Variants in MICAL3 observed in about 807,000 individuals in gnomAD.
The protein encoded by MICAL3 is [F-actin]-monooxygenase MICAL3.
Under a neutral mutation model 207.4 loss-of-function variants are expected in MICAL3, and 62 were observed. The observed-to-expected ratio is 0.30, with a 90% CI of 0.24 to 0.37. MICAL3 has a LOEUF of 0.37. Among genes scored for constraint, MICAL3 ranks in the 10% least tolerant of loss-of-function variants. The pLI is 1.00. For missense variants in MICAL3, 2,368 were observed against 2,635.6 expected (o/e 0.90, Z 2.22); for synonymous variants, 1,077 against 1,069.3 (o/e 1.01, Z -0.14).
At chr22:17,879,384 C>A in intron 16 of MICAL3, 1 of 1,612,570 alleles carries the variant, frequency 6.2e-7, no homozygotes, top group Non-Finnish European at 8.5e-7. Context: ...CGGTTGTCAG[C>A]ATCAAGATCC....
At chr22:17,996,084 C>T (rs1446018687) in intron 1 of MICAL3, among the ~76,000 whole-genome samples, 3 of 146,960 alleles carry the variant, frequency 2.0e-5, no homozygotes, top group African/African-American at 7.6e-5. Context: ...GAACCATGAT[C>T]GCACCACTGC....
At chr22:17,853,890 G>A (rs933829742) in intron 19 of MICAL3, among the ~76,000 whole-genome samples, 2 of 152,198 alleles carry the variant, frequency 1.3e-5, no homozygotes, top group African/African-American at 4.8e-5. Context: ...CCGTCCTATG[G>A]CATGCAGTCT....
chr22:17,987,933 T>C (rs972715965), intron 1 of MICAL3, among the ~76,000 whole-genome samples: 1 of 152,168 alleles, frequency 6.6e-6, no homozygotes, highest in Non-Finnish European at 1.5e-5. Context: ...CAGGAAATTA[T>C]ATCAAAATAG....
chr22:17,802,140 GCA>G (rs2061947232), intron 29 of MICAL3, among the ~76,000 whole-genome samples: 1 of 151,090 alleles, frequency 6.6e-6, no homozygotes, highest in Non-Finnish European at 1.5e-5. Flanking sequence ...ACAGCTCACT[GCA>G]GCCTCAAACT....
At chr22:18,007,922 CAAAAAAAAAA>C (rs60544257) in intron 1 of MICAL3, among the ~76,000 whole-genome samples, 3 of 37,758 alleles carry the variant, frequency 7.9e-5, no homozygotes, top group Admixed American at 3.9e-4. Flanking sequence ...GACTCCATCT[CAAAAAAAAAA>C]AAAAAAAAAA....
chr22:17,913,033 A>T (rs1178801338), intron 1 of MICAL3, among the ~76,000 whole-genome samples: 1 of 152,138 alleles, frequency 6.6e-6, no homozygotes, highest in Non-Finnish European at 1.5e-5. Flanking sequence ...TTCTATCATG[A>T]GAAGGTATTG....
intron 29 of MICAL3, chr22:17,803,547 G>C (rs975940906): frequency 4.6e-5 from 7 of 152,110 alleles, no homozygotes; most frequent in African/African-American, 1.4e-4. Flanking sequence ...TGCAAGGCTG[G>C]TGGAGTCGGG....
intron 1 of MICAL3, among the ~76,000 whole-genome samples, chr22:17,949,356 A>C (rs1161365446): frequency 1.3e-5 from 2 of 152,006 alleles, no homozygotes; most frequent in African/African-American, 2.4e-5. Context: ...GCATTATCTC[A>C]TTTTATCTTC....
At chr22:17,875,261 G>C in intron 16 of MICAL3, 1 of 385,322 alleles carries the variant, frequency 2.6e-6, no homozygotes, top group Non-Finnish European at 4.6e-6. Flanking sequence ...CTTTAGCTGA[G>C]GAGTGTGCCA....
intron 1 of MICAL3, among the ~76,000 whole-genome samples, chr22:17,945,100 C>T (rs139316422): frequency 8.0e-5 from 12 of 150,226 alleles, no homozygotes; most frequent in Non-Finnish European, 1.8e-4. Context: ...TGGACTCAGT[C>T]TATACCTATT....
chr22:17,877,336 A>C (rs1602123883), intron 16 of MICAL3, among the ~76,000 whole-genome samples: 1 of 105,172 alleles, frequency 9.5e-6, no homozygotes, highest in Non-Finnish European at 1.8e-5. Context: ...GAGGTTATGG[A>C]GGTTAGGGAG....
intron 16 of MICAL3, among the ~76,000 whole-genome samples, chr22:17,873,344 G>A (rs796545330): frequency 3.9e-5 from 6 of 152,376 alleles, no homozygotes; most frequent in African/African-American, 1.4e-4. Flanking sequence ...TGCACAGGCC[G>A]CCTCTGTGTG....
chr22:17,995,731 A>C, intron 1 of MICAL3, among the ~76,000 whole-genome samples: 1 of 149,974 alleles, frequency 6.7e-6, no homozygotes, highest in African/African-American at 2.5e-5. Context: ...CTGGTCTGGA[A>C]CTCCTCACCT....
At chr22:17,821,331 G>A (rs1921620677) in intron 25 of MICAL3, 96 bp downstream of exon 25, 1 of 1,091,130 alleles carries the variant, frequency 9.2e-7, no homozygotes, top group Non-Finnish European at 1.3e-6. Context: ...CAGTCTTGGT[G>A]GGACCCACAC....
At chr22:17,967,014 G>A (rs1383411373) in intron 1 of MICAL3, among the ~76,000 whole-genome samples, 1 of 152,172 alleles carries the variant, frequency 6.6e-6, no homozygotes, top group East Asian at 1.9e-4. Context: ...TACTTCCTGG[G>A]CACCCATGTG....
chr22:17,919,076 G>GTTTTTTTTTTTTTTTTTTTTTTTTTT (rs35096617), intron 1 of MICAL3, among the ~76,000 whole-genome samples: 2 of 136,504 alleles, frequency 1.5e-5, no homozygotes, highest in African/African-American at 5.9e-5. Flanking sequence ...GTTTTTGTGG[G>GTTTTTTTTTTTTTTTTTTTTTTTTTT]TTTTTTTTTT....
At position 18,013,731 on chromosome 22, in the gene MICAL3, T is replaced by C. The variant is rs1252179752; in HGVS notation, c.-75+10550A>G. On this transcript the variant is annotated intron_variant, in intron 1 of 31. Coordinates refer to ENST00000441493, the MANE Select transcript of MICAL3 (RefSeq NM_015241.3). Reference sequence around the variant, plus strand: ...TTATCTGCATAGTAAATTAAAGCAATTGGCACTTTTAGTCCAAAGATTACT... The same window carrying C: ...TTATCTGCATAGTAAATTAAAGCAACTGGCACTTTTAGTCCAAAGATTACT... Among the ~76,000 whole-genome samples, 2 of 152,122 alleles carry C rather than the reference T, an allele frequency of 1.3e-5. 1 individual carries two copies. Among genetic ancestry groups the C allele is most frequent in the African/African-American group, 4.8e-5 (2 of 41,424 alleles).
rs758336987 is a variant in MICAL3 at position 17,886,068 on chromosome 22, C to T, written c.2068-17G>A. 2 of 1,613,044 alleles carry T rather than the reference C, an allele frequency of 1.2e-6. No homozygotes were observed. The highest frequency in any genetic ancestry group is 1.7e-5 in the Admixed American group (1 of 60,012). On this transcript the variant is annotated splice_polypyrimidine_tract_variant and intron_variant, in intron 15 of 31. Transcript: ENST00000441493. ...AGCTTCCTCCTGGTCAATGCCAACC[C>T]CAAAGAACCCGGCGCTGTGACAGGA...
chr22:17,903,490 T>C (rs1445665633), intron 3 of MICAL3, among the ~76,000 whole-genome samples: 1 of 152,192 alleles, frequency 6.6e-6, no homozygotes, highest in East Asian at 1.9e-4. Context: ...ACAAATCCAC[T>C]GCGTTAATGA....
Sources: gnomAD v4.1 joint callset for allele counts (sites outside exome capture counted in the v4.1 genomes callset) on GRCh38, gnomAD v4.1.1 for gene constraint, MANE v1.5 for transcripts, NCBI Gene and HGNC (gene_info 2026-07-23, HGNC 2026-07-21) for gene names.